The following SEMA6D variants were observed in gnomAD, a reference collection of about 807,000 sequenced individuals.
SEMA6D encodes semaphorin-6D.
Under a neutral mutation model 106.6 loss-of-function variants are expected in SEMA6D, and 35 were observed. The observed-to-expected ratio is 0.33, with a 90% CI of 0.25 to 0.44. The LOEUF (loss-of-function observed/expected upper bound fraction) is 0.44. Among genes scored for constraint, SEMA6D ranks in the 20% least tolerant of loss-of-function variants. The pLI is 1.00. For missense variants in SEMA6D, 1,185 were observed against 1,345.9 expected (o/e 0.88, Z 1.87); for synonymous variants, 499 against 487.7 (o/e 1.02, Z -0.31).
At chr15:47,707,610 C>A (rs977782037) in intron 4 of SEMA6D, among the ~76,000 whole-genome samples, 5 of 152,156 alleles carry the variant, frequency 3.3e-5, no homozygotes, top group Non-Finnish European at 5.9e-5. Flanking sequence ...GTTTCTTGTG[C>A]ACGTTCTCTT....
chr15:47,233,545 G>A lies in SEMA6D; in HGVS notation c.-239+49127G>A, dbSNP rs562036235. Among the ~76,000 whole-genome samples the A allele has an allele frequency of 2.6e-5, 4 of 152,100 alleles. No individual in the cohort carries two copies. The South Asian group carries it at 8.3e-4, about 32-fold the overall frequency. Reference sequence around the variant, plus strand: ...AGTGAGGCCATCTTAATGATATTGAGTCTTCCAATGTATGAATATGGGATG... The same window carrying A: ...AGTGAGGCCATCTTAATGATATTGAATCTTCCAATGTATGAATATGGGATG... On this transcript the variant is annotated intron_variant, in intron 1 of 19. Transcript: ENST00000558014.
intron 2 of SEMA6D, among the ~76,000 whole-genome samples, chr15:47,427,590 T>C (rs957456023): frequency 6.6e-6 from 1 of 152,114 alleles, no homozygotes; most frequent in African/African-American, 2.4e-5. Flanking sequence ...TTGGGAAAGG[T>C]CACTGGGTGT....
intron 4 of SEMA6D, among the ~76,000 whole-genome samples, chr15:47,647,432 C>T (rs971190569): frequency 4.6e-5 from 7 of 152,082 alleles, no homozygotes; most frequent in East Asian, 3.8e-4. Flanking sequence ...ACAGATGAAA[C>T]GCATGATAAG....
At chr15:47,595,846 A>T (rs549975289) in intron 3 of SEMA6D, among the ~76,000 whole-genome samples, 4 of 152,020 alleles carry the variant, frequency 2.6e-5, no homozygotes, top group Non-Finnish European at 5.9e-5. Context: ...CTAGTTATCC[A>T]ATTTATTGGC....
At chr15:47,259,014 C>T (rs569961914) in intron 1 of SEMA6D, among the ~76,000 whole-genome samples, 29 of 151,824 alleles carry the variant, frequency 1.9e-4, no homozygotes, top group African/African-American at 7.0e-4. Flanking sequence ...GGGGTAGCCC[C>T]CTGGGTATTA....
chr15:47,202,139 T>A (rs1444811502), intron 1 of SEMA6D, among the ~76,000 whole-genome samples: 1 of 152,052 alleles, frequency 6.6e-6, no homozygotes, highest in Admixed American at 6.6e-5. Flanking sequence ...AGTAGGTAGC[T>A]AATCAGGAAT....
intron 1 of SEMA6D, among the ~76,000 whole-genome samples, chr15:47,302,929 A>G (rs1270034632): frequency 1.3e-5 from 2 of 152,172 alleles, no homozygotes; most frequent in Non-Finnish European, 2.9e-5. Flanking sequence ...GCAGCCACAG[A>G]AAGGTAGGTA....
rs2079720270 is a variant in SEMA6D, at chr15:47,725,964, G to T, written c.-55+8272G>T. On this transcript the variant is annotated intron_variant, in intron 1 of 18. Coordinates refer to ENST00000536845, the MANE Select transcript of SEMA6D (RefSeq NM_001358351.3). ...AGATCAATCAGAAATTATAAAATAGGTCAATAGGGAAAAAGGATTAAGCAT... is the reference window on the plus strand; with the variant it reads ...AGATCAATCAGAAATTATAAAATAGTTCAATAGGGAAAAAGGATTAAGCAT... Among the ~76,000 whole-genome samples the T allele has an allele frequency of 2.0e-5, 3 of 152,176 alleles. No individual in the cohort carries two copies. In the South Asian group the frequency reaches 6.2e-4, roughly 32 times the overall value.
chr15:47,207,918 A>G (rs1279383120), intron 1 of SEMA6D, among the ~76,000 whole-genome samples: 2 of 151,698 alleles, frequency 1.3e-5, no homozygotes, highest in East Asian at 1.9e-4. Context: ...AGGTTGGGAA[A>G]TCAACATCAG....
At chr15:47,459,579 G>A in intron 2 of SEMA6D, among the ~76,000 whole-genome samples, 1 of 151,928 alleles carries the variant, frequency 6.6e-6, no homozygotes, top group African/African-American at 2.4e-5. Context: ...CAGATGAAGG[G>A]AAGTAACAGT....
chr15:47,374,412 T>G (rs2039380796), intron 1 of SEMA6D, among the ~76,000 whole-genome samples: 1 of 152,042 alleles, frequency 6.6e-6, no homozygotes, highest in Non-Finnish European at 1.5e-5. Flanking sequence ...TCTTCTCCAT[T>G]CGTTAGGGGG....
At chr15:47,712,394 C>T (rs1019499533) in intron 4 of SEMA6D, among the ~76,000 whole-genome samples, 1 of 152,128 alleles carries the variant, frequency 6.6e-6, no homozygotes, top group Non-Finnish European at 1.5e-5. Context: ...AGGCTACCAC[C>T]TACTAGGACA....
chr15:47,407,403 C>CAAAAAAAAAAAA (rs1462088729), intron 1 of SEMA6D, among the ~76,000 whole-genome samples: 10 of 82,240 alleles, frequency 1.2e-4, no homozygotes, highest in South Asian at 4.1e-4. Context: ...ACAACAACAA[C>CAAAAAAAAAAAA]AACAACAAAA....
intron 1 of SEMA6D, among the ~76,000 whole-genome samples, chr15:47,200,229 C>A (rs1894633459): frequency 1.3e-5 from 2 of 152,144 alleles, no homozygotes; most frequent in Non-Finnish European, 2.9e-5. Flanking sequence ...TTTAGCTCCC[C>A]TTGCTTCCTC....
chr15:47,546,132 G>T (rs1405290206), intron 3 of SEMA6D, among the ~76,000 whole-genome samples: 2 of 152,038 alleles, frequency 1.3e-5, no homozygotes, highest in African/African-American at 4.8e-5. Context: ...GTTGTTATTT[G>T]CTGGCATAGA....
rs1208934287 is a variant in SEMA6D, at chr15:47,727,578, T to C, written c.-55+9886T>C. On this transcript the variant is annotated intron_variant, in intron 1 of 18. Coordinates refer to ENST00000536845, the MANE Select transcript of SEMA6D (RefSeq NM_001358351.3). Reference sequence around the variant, plus strand: ...CTTGCCTACGGCACGAAGAGAATGATTATGAGCTGAAGACATCCCAGCTAG... The same window carrying C: ...CTTGCCTACGGCACGAAGAGAATGACTATGAGCTGAAGACATCCCAGCTAG... Among the ~76,000 whole-genome samples, 3 of 152,176 alleles carry C rather than the reference T, an allele frequency of 2.0e-5. No individual in the cohort carries two copies. The East Asian group carries it at 5.8e-4, about 29-fold the overall frequency.
At chr15:47,273,631 A>C (rs896388852) in intron 1 of SEMA6D, among the ~76,000 whole-genome samples, 2 of 152,202 alleles carry the variant, frequency 1.3e-5, no homozygotes, top group South Asian at 4.1e-4. Context: ...TAAGCCTGCT[A>C]TAATTCCAAA....
chr15:47,600,896 G>T (rs16959750), exon 4 of SEMA6D: 157 of 151,976 alleles, frequency 1.0e-3, no homozygotes, highest in African/African-American at 3.6e-3. Context: ...CCTTTTTCAA[G>T]GTAAACAACA....
intron 4 of SEMA6D, among the ~76,000 whole-genome samples, chr15:47,708,428 TATAGGC>T (rs2078954646): frequency 6.6e-6 from 1 of 152,222 alleles, no homozygotes; most frequent in Admixed American, 6.5e-5. Flanking sequence ...TGACTCAGCT[TATAGGC>T]CCCACATCAT....
Sources: gnomAD v4.1 joint callset for allele counts (sites outside exome capture counted in the v4.1 genomes callset) on GRCh38, gnomAD v4.1.1 for gene constraint, MANE v1.5 for transcripts, NCBI Gene and HGNC (gene_info 2026-07-23, HGNC 2026-07-21) for gene names.